The following CCDC60 variants were observed in gnomAD, a reference collection of about 807,000 sequenced individuals.
CCDC60 encodes coiled-coil domain containing 60.
In CCDC60, 54 loss-of-function variants were observed where a neutral mutation model predicts 63.5. That is an observed-to-expected ratio of 0.85 (90% CI 0.68 to 1.07). The LOEUF is 1.07. Among genes scored for constraint, CCDC60 ranks in the 50% least tolerant of loss-of-function variants. The pLI is 0.00. For synonymous variants in CCDC60, 206 were observed against 238.8 expected (o/e 0.86, Z 1.27); for missense variants, 651 against 684.3 (o/e 0.95, Z 0.54).
At chr12:119,533,047 A>G (rs999667631) in intron 13 of CCDC60, among the ~76,000 whole-genome samples, 1 of 152,102 alleles carries the variant, frequency 6.6e-6, no homozygotes, top group African/African-American at 2.4e-5. Context: ...GTGTAAAAGC[A>G]TTCCTATTTC....
chr12:119,368,357 T>C (rs1314716946), intron 1 of CCDC60, among the ~76,000 whole-genome samples: 1 of 152,322 alleles, frequency 6.6e-6, no homozygotes, highest in South Asian at 2.1e-4. Flanking sequence ...CTCATTTTTC[T>C]TGTCTAATAA....
chr12:119,341,110 G>C (rs1955527613), intron 1 of CCDC60, among the ~76,000 whole-genome samples: 1 of 152,120 alleles, frequency 6.6e-6, no homozygotes, highest in African/African-American at 2.4e-5. Flanking sequence ...TTTTTGTTTT[G>C]TTTTGTTATC....
At chr12:119,401,252 T>C (rs1956386695) in intron 1 of CCDC60, among the ~76,000 whole-genome samples, 1 of 152,334 alleles carries the variant, frequency 6.6e-6, no homozygotes. Flanking sequence ...CAATACCTGA[T>C]GTGACTCCCC....
chr12:119,375,842 C>T (rs564500169), intron 1 of CCDC60, among the ~76,000 whole-genome samples: 7 of 152,134 alleles, frequency 4.6e-5, no homozygotes, highest in East Asian at 1.9e-4. Flanking sequence ...GGACAGTTTT[C>T]GAAATGAATC....
intron 3 of CCDC60, among the ~76,000 whole-genome samples, chr12:119,475,758 C>T (rs1951163517): frequency 6.6e-6 from 1 of 152,160 alleles, no homozygotes; most frequent in Non-Finnish European, 1.5e-5. Context: ...TGGTACCAAA[C>T]TCCCAAGCTT....
chr12:119,496,794 C>T (rs1451965805), intron 5 of CCDC60, among the ~76,000 whole-genome samples: 2 of 152,190 alleles, frequency 1.3e-5, no homozygotes, highest in Non-Finnish European at 2.9e-5. Context: ...AACAGCTGGT[C>T]CAACCTATTG....
intron 2 of CCDC60, among the ~76,000 whole-genome samples, chr12:119,451,100 G>A (rs1359977035): frequency 6.6e-6 from 1 of 152,154 alleles, no homozygotes; most frequent in Non-Finnish European, 1.5e-5. Flanking sequence ...CAGCCCCATG[G>A]TGGGCAGAGT....
rs767719075 is a variant in CCDC60 at position 119,428,632 on chromosome 12, G to A, written c.91-51G>A. 10 of 1,266,678 alleles carry A rather than the reference G, an allele frequency of 7.9e-6. No individual in the cohort carries two copies. The African/African-American group carries it at 1.2e-4, about 15-fold the overall frequency. The allele number at this position is 1,266,678 out of a possible 1,614,324, so 78.5% of individuals were successfully genotyped here. A position where few individuals can be genotyped will look rare whatever the true frequency, so the allele number is the denominator to read the frequency against. ...AGCCTCCTGTGCCTATCTCCATTTGGAAGCATTGTATTAACACTCCTTTTA... is the reference window on the plus strand; with the variant it reads ...AGCCTCCTGTGCCTATCTCCATTTGAAAGCATTGTATTAACACTCCTTTTA... On this transcript the variant is annotated intron_variant, in intron 1 of 13. Coordinates refer to ENST00000327554, the MANE Select transcript of CCDC60 (RefSeq NM_178499.5).
intron 1 of CCDC60, among the ~76,000 whole-genome samples, chr12:119,427,574 A>T (rs1295057077): frequency 6.6e-6 from 1 of 152,166 alleles, no homozygotes; most frequent in Non-Finnish European, 1.5e-5. Flanking sequence ...TTTCCTTAGG[A>T]TTCTTGACAG....
At chr12:119,487,423 G>A (rs1338245044) in intron 4 of CCDC60, among the ~76,000 whole-genome samples, 2 of 151,598 alleles carry the variant, frequency 1.3e-5, no homozygotes, top group Admixed American at 6.6e-5. Flanking sequence ...TTAGCCTCCC[G>A]AGTAGCTGGG....
intron 2 of CCDC60, among the ~76,000 whole-genome samples, chr12:119,455,789 AAGAAGAAGAAAAAC>A (rs1375053062): frequency 6.8e-6 from 1 of 147,176 alleles, no homozygotes; most frequent in Non-Finnish European, 1.5e-5. Flanking sequence ...AAGAAAGAAA[AAGAAGAAGAAAAAC>A]AGAAGAAGAA....
At chr12:119,336,011 G>GCATATTCT (rs1955467095) in intron 1 of CCDC60, among the ~76,000 whole-genome samples, 1 of 146,820 alleles carries the variant, frequency 6.8e-6, no homozygotes, top group East Asian at 2.0e-4. Context: ...ACCAAACACC[G>GCATATTCT]CATATTCTCA....
intron 11 of CCDC60, among the ~76,000 whole-genome samples, chr12:119,527,122 A>G (rs924477722): frequency 5.9e-5 from 9 of 152,230 alleles, no homozygotes; most frequent in Non-Finnish European, 1.0e-4. Context: ...GGGAACATAG[A>G]TGGAGCTGAA....
At chr12:119,462,518 C>A (rs888146643) in intron 2 of CCDC60, among the ~76,000 whole-genome samples, 2 of 152,028 alleles carry the variant, frequency 1.3e-5, no homozygotes, top group African/African-American at 4.8e-5. Context: ...AAAAAATTTT[C>A]TTGTTTCTAA....
chr12:119,436,606 T>C lies in CCDC60; in HGVS notation c.170+7844T>C, dbSNP rs182896842. Among the ~76,000 whole-genome samples, 5 of 151,238 alleles carry C rather than the reference T, an allele frequency of 3.3e-5. No individual in the cohort carries two copies. The East Asian group carries it at 9.8e-4, about 30-fold the overall frequency. On this transcript the variant is annotated intron_variant, in intron 2 of 13. Coordinates refer to ENST00000327554, the MANE Select transcript of CCDC60 (RefSeq NM_178499.5). ...CAGGCTGGAGTGCAATGGCACGATC[T>C]CGGCTCACTGCAACCTCCGCCTCCC...
At chr12:119,529,174 C>T (rs1298710884) in intron 12 of CCDC60, among the ~76,000 whole-genome samples, 1 of 152,054 alleles carries the variant, frequency 6.6e-6, no homozygotes, top group Non-Finnish European at 1.5e-5. Context: ...AAACACTGTG[C>T]CACAGCATAA....
intron 1 of CCDC60, among the ~76,000 whole-genome samples, chr12:119,409,410 C>CTTGGTTGT (rs1369426814): frequency 5.9e-5 from 9 of 152,190 alleles, no homozygotes; most frequent in African/African-American, 2.2e-4. Flanking sequence ...CAAGTTGTGA[C>CTTGGTTGT]AGCCAAAAAG....
At chr12:119,336,367 G>A (rs992009009) in intron 1 of CCDC60, among the ~76,000 whole-genome samples, 5 of 152,180 alleles carry the variant, frequency 3.3e-5, no homozygotes, top group African/African-American at 9.7e-5. Flanking sequence ...CTCTTAAAGA[G>A]TGAAAACGCG....
chr12:119,454,912 GAATT>G (rs1950696207), intron 2 of CCDC60, among the ~76,000 whole-genome samples: 1 of 152,162 alleles, frequency 6.6e-6, no homozygotes, highest in Non-Finnish European at 1.5e-5. Flanking sequence ...CCATCTGCCA[GAATT>G]CCTCATGCTC....
Sources: gnomAD v4.1 joint callset for allele counts (sites outside exome capture counted in the v4.1 genomes callset) on GRCh38, gnomAD v4.1.1 for gene constraint, MANE v1.5 for transcripts, NCBI Gene and HGNC (gene_info 2026-07-23, HGNC 2026-07-21) for gene names.